Variants in PARD3 observed in about 807,000 individuals in gnomAD.
PARD3 encodes par-3 family cell polarity regulator.
Under a neutral mutation model 155.4 loss-of-function variants are expected in PARD3, and 75 were observed. The observed-to-expected ratio is 0.48, with a 90% CI of 0.40 to 0.58. The LOEUF is 0.58. Among genes scored for constraint, PARD3 ranks in the 20% least tolerant of loss-of-function variants. PARD3 has a pLI of 0.00. For missense variants in PARD3, 1,642 were observed against 1,721.7 expected, an observed-to-expected ratio of 0.95 and a Z score of 0.82; for synonymous variants, 576 against 610.5, an observed-to-expected ratio of 0.94 and a Z score of 0.83.
intron 1 of PARD3, among the ~76,000 whole-genome samples, chr10:34,757,258 C>T (rs908275430): frequency 6.6e-6 from 1 of 152,180 alleles, no homozygotes; most frequent in African/African-American, 2.4e-5. Flanking sequence ...CTAGTCAGCA[C>T]TAAAAATAAA....
At chr10:34,436,237 C>T (rs569286111) in intron 5 of PARD3, among the ~76,000 whole-genome samples, 3 of 152,328 alleles carry the variant, frequency 2.0e-5, no homozygotes, top group South Asian at 2.1e-4. Flanking sequence ...CACCCCAAGA[C>T]GTCCTTTTCC....
At chr10:34,177,278 T>C (rs1950073414) in intron 22 of PARD3, among the ~76,000 whole-genome samples, 3 of 152,170 alleles carry the variant, frequency 2.0e-5, no homozygotes, top group Admixed American at 2.0e-4. Context: ...ACCCATGTGC[T>C]GTGCACCGCT....
chr10:34,632,607 T>C (rs1016004652), intron 2 of PARD3, among the ~76,000 whole-genome samples: 4 of 152,214 alleles, frequency 2.6e-5, no homozygotes, highest in Non-Finnish European at 5.9e-5. Context: ...ACCAGGTAGA[T>C]ACAAATCAGA....
chr10:34,531,725 A>G (rs1418559541), intron 2 of PARD3, among the ~76,000 whole-genome samples: 1 of 152,156 alleles, frequency 6.6e-6, no homozygotes, highest in Non-Finnish European at 1.5e-5. Flanking sequence ...GGTACATATC[A>G]ACTCTTTGTT....
rs1343029638 is a variant in PARD3 at position 34,762,276 on chromosome 10, A to AAGAGACAG, written c.120+52592_120+52599dup. On this transcript the variant is annotated intron_variant, in intron 1 of 24. Transcript: ENST00000374788. ...AGGGAGAGGGAGAGAGAGAGAGACA[A>AAGAGACAG]AGAGACAGAGAGACAGAGAGAGAGA... is the stretch of plus-strand genomic sequence containing the variant. 4.1e-3 allele frequency among the ~76,000 whole-genome samples: 383 copies of AAGAGACAG among 94,050 alleles called. 1 individual carries two copies. The highest frequency in any genetic ancestry group is 6.7e-3 in the Non-Finnish European group (283 of 42,444). 61.7% of individuals were successfully genotyped at this position (94,050 alleles called of 152,430 possible).
chr10:34,703,500 T>C (rs569474881), intron 1 of PARD3, among the ~76,000 whole-genome samples: 1 of 150,268 alleles, frequency 6.7e-6, no homozygotes, highest in South Asian at 2.1e-4. Context: ...AGGCTAATAA[T>C]AAAATTAGAC....
At chr10:34,517,494 G>GTA (rs985792492) in intron 2 of PARD3, among the ~76,000 whole-genome samples, 10 of 152,060 alleles carry the variant, frequency 6.6e-5, no homozygotes, top group African/African-American at 1.9e-4. Flanking sequence ...GCAAAAGTGT[G>GTA]TATATATATG....
At chr10:34,377,931 A>G (rs766424999) in intron 10 of PARD3, 36 bp downstream of exon 10, 6 of 1,460,716 alleles carry the variant, frequency 4.1e-6, no homozygotes, top group African/African-American at 1.5e-5. Context: ...GAACATTTCA[A>G]GAATCAGGGA....
chr10:34,464,330 C>T (rs1310613189), intron 4 of PARD3, among the ~76,000 whole-genome samples: 1 of 152,078 alleles, frequency 6.6e-6, no homozygotes, highest in African/African-American at 2.4e-5. Context: ...ATAGTACCAG[C>T]TGCTTGTTTC....
At chr10:34,249,842 G>A (rs1203403908) in intron 22 of PARD3, among the ~76,000 whole-genome samples, 2 of 152,190 alleles carry the variant, frequency 1.3e-5, no homozygotes, top group African/African-American at 2.4e-5. Context: ...AGATGCCTGG[G>A]ATAGCAGTCA....
At chr10:34,623,860 A>G (rs1252367153) in intron 2 of PARD3, among the ~76,000 whole-genome samples, 1 of 150,164 alleles carries the variant, frequency 6.7e-6, no homozygotes, top group Non-Finnish European at 1.5e-5. Context: ...GCGCACCTGT[A>G]GTCCCACCTA....
At chr10:34,591,285 G>A (rs1395822339) in intron 2 of PARD3, among the ~76,000 whole-genome samples, 1 of 152,110 alleles carries the variant, frequency 6.6e-6, no homozygotes, top group Non-Finnish European at 1.5e-5. Context: ...CCATTACCCA[G>A]CTCTCAGTAA....
At chr10:34,335,226 G>A (rs535718898) in intron 18 of PARD3, among the ~76,000 whole-genome samples, 3 of 151,818 alleles carry the variant, frequency 2.0e-5, no homozygotes, top group African/African-American at 4.8e-5. Context: ...ATTAGATGTC[G>A]TTTTTACAAT....
intron 22 of PARD3, among the ~76,000 whole-genome samples, chr10:34,203,607 T>C (rs1951322676): frequency 6.6e-6 from 1 of 152,234 alleles, no homozygotes; most frequent in Non-Finnish European, 1.5e-5. Context: ...ATGTAAATAG[T>C]TGTTATACTG....
At chr10:34,487,045 A>T (rs1440346317) in intron 3 of PARD3, among the ~76,000 whole-genome samples, 2 of 151,878 alleles carry the variant, frequency 1.3e-5, no homozygotes, top group Non-Finnish European at 2.9e-5. Context: ...CATAACTCAG[A>T]ATTTTCGGTC....
intron 2 of PARD3, among the ~76,000 whole-genome samples, chr10:34,519,807 C>G (rs919653014): frequency 2.1e-5 from 3 of 142,946 alleles, no homozygotes; most frequent in African/African-American, 7.8e-5. Context: ...GAGCGAGACT[C>G]CATCTCAAAA....
intron 22 of PARD3, among the ~76,000 whole-genome samples, chr10:34,167,375 T>C (rs993948233): frequency 6.6e-6 from 1 of 152,112 alleles, no homozygotes; most frequent in Non-Finnish European, 1.5e-5. Flanking sequence ...TGCTACACCA[T>C]ACACAATTAG....
At chr10:34,359,789 C>T (rs1164404915) in intron 13 of PARD3, among the ~76,000 whole-genome samples, 2 of 152,124 alleles carry the variant, frequency 1.3e-5, no homozygotes, top group African/African-American at 4.8e-5. Context: ...ACTATACGCC[C>T]ATTCTGTGAC....
rs535680089 is a variant in PARD3, at chr10:34,140,214, A to G, written c.3420-8631T>C. Among the ~76,000 whole-genome samples, 3 of 152,238 alleles carry G rather than the reference A, an allele frequency of 2.0e-5. No homozygotes were observed. In the East Asian group the frequency reaches 5.8e-4, roughly 29 times the overall value. On this transcript the variant is annotated intron_variant, in intron 22 of 24. Transcript: ENST00000374788. ...ATTGAAGCAGAGAGACATGGTCAGG[A>G]TATGTGTGGCAGGTTCCTGCCCCTT...
Sources: allele counts gnomAD v4.1 joint callset (sites outside exome capture counted in the v4.1 genomes callset), GRCh38; gene constraint gnomAD v4.1.1; transcripts MANE v1.5; gene names NCBI Gene and HGNC (gene_info 2026-07-23, HGNC 2026-07-21).